FRMPD2: variants seen among roughly 807,000 people sequenced by gnomAD.
The protein encoded by FRMPD2 is FERM and PDZ domain-containing protein 2.
FRMPD2 carries 96 observed loss-of-function variants against 140.1 expected under a neutral mutation model. That is an observed-to-expected ratio of 0.69 (90% confidence interval 0.58 to 0.81). The LOEUF (loss-of-function observed/expected upper bound fraction) is 0.81, where lower values mean the gene tolerates loss of function less well. FRMPD2 is among the 40% of genes least tolerant of loss of function. FRMPD2 has a pLI of 0.00. For synonymous variants in FRMPD2, 449 were observed against 547.6 expected (o/e 0.82, Z 2.52); for missense variants, 1,240 against 1,447.4 (o/e 0.86, Z 2.32).
chr10:48,240,481 T>C lies in FRMPD2; in HGVS notation c.579A>G (p.Arg193=). The change falls in exon 6 of 29, where the codon AGA becomes AGG. Residue 193 remains arginine, a synonymous_variant. Transcript: ENST00000374201. Reference sequence around the variant, plus strand: ...GCACAGAGGAGCTTTCCTCCACAACTCTTTTCTCCACCTGGGGGTCAAGTG... The same window carrying C: ...GCACAGAGGAGCTTTCCTCCACAACCCTTTTCTCCACCTGGGGGTCAAGTG... The part of the protein sequence containing the change: ...VLGTISEVEK[R]VVEESSSVQQ... The C allele has an allele frequency of 6.2e-7, 1 of 1,613,748 alleles. No individual in the cohort carries two copies. Among genetic ancestry groups the C allele is most frequent in the Non-Finnish European group, 8.5e-7 (1 of 1,179,998 alleles).
chr10:48,262,560 C>T (rs1840611484), intron 1 of FRMPD2, among the ~76,000 whole-genome samples: 1 of 152,052 alleles, frequency 6.6e-6, no homozygotes, highest in South Asian at 2.1e-4. Flanking sequence ...CTTCAGCACC[C>T]CTCTATCAGG....
chr10:48,207,409 A>G (rs1172183711), intron 13 of FRMPD2, among the ~76,000 whole-genome samples: 4 of 152,124 alleles, frequency 2.6e-5, no homozygotes, highest in Non-Finnish European at 2.9e-5. Context: ...CAGATCACCA[A>G]TGTTAGTTGT....
chr10:48,189,211 T>G (rs554139926), intron 16 of FRMPD2, among the ~76,000 whole-genome samples: 22 of 152,130 alleles, frequency 1.4e-4, no homozygotes, highest in Non-Finnish European at 2.8e-4. Context: ...TCTTGAGAAG[T>G]TCCATGTTTC....
intron 11 of FRMPD2, 47 bp from the exon 12 acceptor site, chr10:48,222,498 G>C: frequency 6.2e-7 from 1 of 1,603,336 alleles, no homozygotes; most frequent in Admixed American, 1.7e-5. Flanking sequence ...TAAGGGAAAG[G>C]GAGAATGTTA....
intron 15 of FRMPD2, among the ~76,000 whole-genome samples, chr10:48,197,405 C>T (rs2131855702): frequency 6.6e-6 from 1 of 152,322 alleles, no homozygotes; most frequent in South Asian, 2.1e-4. Flanking sequence ...AATGAGGACA[C>T]TCCAGCTCTG....
intron 28 of FRMPD2, among the ~76,000 whole-genome samples, chr10:48,161,354 T>C (rs1837935779): frequency 6.6e-6 from 1 of 150,580 alleles, no homozygotes; most frequent in Non-Finnish European, 1.5e-5. Flanking sequence ...TTAATTTGGT[T>C]CAGAAAAACA....
rs111569455 is a variant in FRMPD2, at chr10:48,215,189, A to G, written c.1456-3080T>C. On this transcript the variant is annotated intron_variant, in intron 12 of 28. Transcript: ENST00000374201. ...TTTTTTTTCAGCACCAGAACCATTT[A>G]TCAAACAAAACATAAGCCCCTTAGG... Among the ~76,000 whole-genome samples the G allele has an allele frequency of 2.4e-3, 365 of 152,290 alleles. 2 individuals are homozygous for G. Among genetic ancestry groups the G allele is most frequent in the African/African-American group, 8.5e-3 (353 of 41,550 alleles).
At chr10:48,192,620 A>G (rs1838854778) in intron 16 of FRMPD2, 64 bp downstream of exon 16, 1 of 1,379,020 alleles carries the variant, frequency 7.3e-7, no homozygotes, top group East Asian at 2.3e-5. Flanking sequence ...TCTTCAGTAC[A>G]GATCACTGCA....
At chr10:48,226,586 A>G (rs892750515) in intron 10 of FRMPD2, among the ~76,000 whole-genome samples, 5 of 152,246 alleles carry the variant, frequency 3.3e-5, no homozygotes, top group Admixed American at 1.3e-4. Context: ...TATTTCTTAA[A>G]GAAGATGAAA....
rs115775260 is a variant in FRMPD2, at chr10:48,184,592, A to G, written c.2558T>C (p.Ile853Thr). Residue 853 changes from isoleucine (I) to threonine (T), a missense_variant, in exon 20 of 29, where the codon ATA becomes ACA. Ile to Thr is a moderately conservative substitution (Grantham distance 89, BLOSUM62 -1). Around this residue, in one of 6 missense-constraint regions of FRMPD2, gnomAD observed 1,161 missense variants for 1,055.9 expected, o/e 1.10. Transcript: ENST00000374201. The stretch of plus-strand genomic sequence containing the variant: ...TTTTGACTGAGAAATAATTAATTCT[A>G]TGTTGTCAGGGGAATTCTGGATCAT... The part of the protein sequence containing the change: ...VRMIQNSPDN[I>T]ELIISQSKGV... The G allele has an allele frequency of 6.2e-7, 1 of 1,611,118 alleles. No homozygotes were observed. Among genetic ancestry groups the G allele is most frequent in the Non-Finnish European group, 8.5e-7 (1 of 1,177,234 alleles).
intron 13 of FRMPD2, among the ~76,000 whole-genome samples, chr10:48,209,769 C>T (rs2131879507): frequency 6.6e-6 from 1 of 152,282 alleles, no homozygotes; most frequent in Non-Finnish European, 1.5e-5. Flanking sequence ...GAGATTCTAT[C>T]CCTAAGGAAT....
At position 48,212,024 on chromosome 10, in the gene FRMPD2, A is replaced by T; in HGVS notation, c.1541T>A (p.Val514Asp). Residue 514 changes from valine to aspartate, a missense_variant, in exon 13 of 29, where the codon GTT (valine) becomes GAT (aspartate). Coordinates refer to ENST00000374201, the MANE Select transcript of FRMPD2 (RefSeq NM_001018071.4). ...GAGCCGGTGCATCTCTGAGACTTCA[A>T]CCTGGACCCGTAGAGCGGTCATCCT... ...IERMTALRVQ[V>D]EVSEMHRLSS... The T allele has an allele frequency of 1.2e-6, 2 of 1,614,112 alleles. No homozygotes were observed. The highest frequency in any genetic ancestry group is 1.7e-6 in the Non-Finnish European group (2 of 1,180,006).
intron 1 of FRMPD2, among the ~76,000 whole-genome samples, chr10:48,259,938 C>T (rs1299531182): frequency 6.6e-6 from 1 of 151,982 alleles, no homozygotes; most frequent in African/African-American, 2.4e-5. Flanking sequence ...GTCTCAGATA[C>T]CTACTGTATT....
intron 22 of FRMPD2, among the ~76,000 whole-genome samples, chr10:48,176,988 C>G (rs1359729662): frequency 3.3e-5 from 5 of 152,178 alleles, no homozygotes; most frequent in Admixed American, 1.3e-4. Flanking sequence ...AAATTTTCAT[C>G]AGCCATAGAG....
At chr10:48,223,536 A>G (rs756683022) in intron 10 of FRMPD2, among the ~76,000 whole-genome samples, 2 of 152,174 alleles carry the variant, frequency 1.3e-5, no homozygotes, top group African/African-American at 4.8e-5. Flanking sequence ...ATCTTACAAG[A>G]TGTCGCTTAA....
intron 10 of FRMPD2, among the ~76,000 whole-genome samples, chr10:48,224,836 T>G (rs1839686786): frequency 6.6e-6 from 1 of 152,226 alleles, no homozygotes; most frequent in Non-Finnish European, 1.5e-5. Flanking sequence ...TGGATTAGAT[T>G]GCATTTTATG....
At chr10:48,274,467 T>C in intron 1 of FRMPD2, 76 bp downstream of exon 1, 4 of 1,281,078 alleles carry the variant, frequency 3.1e-6, no homozygotes, top group Non-Finnish European at 4.5e-6. Flanking sequence ...TTATTCCGGA[T>C]ACCTAGACCC....
chr10:48,198,683 TACA>T (rs893011439), intron 15 of FRMPD2, among the ~76,000 whole-genome samples: 2 of 152,228 alleles, frequency 1.3e-5, no homozygotes, highest in Admixed American at 6.5e-5. Context: ...TGGTTATTTT[TACA>T]ACATTGATTC....
chr10:48,191,178 G>T (rs754867783), intron 16 of FRMPD2, among the ~76,000 whole-genome samples: 3 of 152,150 alleles, frequency 2.0e-5, no homozygotes, highest in Non-Finnish European at 2.9e-5. Context: ...GCAGAACCTT[G>T]CTGGAGACCC....
Sources: allele counts gnomAD v4.1 joint callset (sites outside exome capture counted in the v4.1 genomes callset), GRCh38; gene constraint gnomAD v4.1.1; regional missense constraint gnomAD v4.1.1; transcripts MANE v1.5; gene names NCBI Gene and HGNC (gene_info 2026-07-23, HGNC 2026-07-21).